Variants in GRM4 observed in about 807,000 individuals in gnomAD.
GRM4 encodes the protein metabotropic glutamate receptor 4.
In GRM4, 28 loss-of-function variants were observed where a neutral mutation model predicts 81.7. That is an observed-to-expected ratio of 0.34 (90% confidence interval 0.25 to 0.47). The LOEUF (loss-of-function observed/expected upper bound fraction) is 0.47. GRM4 is among the 20% of genes least tolerant of loss of function. The pLI is 1.00. For synonymous variants in GRM4, 488 were observed against 528.8 expected, an observed-to-expected ratio of 0.92 and a Z score of 1.06; for missense variants, 948 against 1,290.0, an observed-to-expected ratio of 0.73 and a Z score of 4.06.
At position 34,070,197 on chromosome 6, in the gene GRM4, C is replaced by G. The variant is rs1346028213; in HGVS notation, c.737-8169G>C. ...TGCCACCTCCTTACATGCACAGCCA[C>G]TGGACACCCCATTTGAGCCTGGCAT... On this transcript the variant is annotated intron_variant, in intron 3 of 10. Coordinates refer to ENST00000538487, the MANE Select transcript of GRM4 (RefSeq NM_000841.4). The surrounding 1 kb of genome is among the most constrained non-coding windows in gnomAD (Gnocchi z 4.6). Among the ~76,000 whole-genome samples the G allele has an allele frequency of 6.6e-6, 1 of 152,164 alleles. No homozygotes were observed. Among genetic ancestry groups the G allele is most frequent in the African/African-American group, 2.4e-5 (1 of 41,438 alleles).
exon 1 of GRM4, chr6:34,155,203 G>C (rs1379685272): frequency 6.5e-7 from 1 of 1,535,530 alleles, no homozygotes; most frequent in African/African-American, 1.4e-5. Flanking sequence ...TGGCAGGGAG[G>C]GGCCTCTTGT....
At chr6:34,103,927 C>A in intron 2 of GRM4, 3 of 1,171,108 alleles carry the variant, frequency 2.6e-6, no homozygotes, top group Non-Finnish European at 3.3e-6. Context: ...TGTTCAGAGC[C>A]AGCCATGCAC....
At chr6:34,108,886 G>A (rs943528575) in intron 2 of GRM4, among the ~76,000 whole-genome samples, 3 of 151,972 alleles carry the variant, frequency 2.0e-5, no homozygotes, top group Admixed American at 1.3e-4. Context: ...GGTGCACCTC[G>A]AGGTCCCCTC....
chr6:34,150,601 T>C (rs912691072), upstream of GRM4, among the ~76,000 whole-genome samples: 2 of 152,086 alleles, frequency 1.3e-5, no homozygotes, highest in African/African-American at 4.8e-5. Flanking sequence ...TGAGAGATGA[T>C]GCTTCCTCTT....
In GRM4 at chr6:34,068,252, T is replaced by C. The variant is rs185626207; in HGVS notation, c.737-6224A>G. Among the ~76,000 whole-genome samples, 12 of 152,258 alleles carry C rather than the reference T, an allele frequency of 7.9e-5. No homozygotes were observed. The highest frequency in any genetic ancestry group is 3.9e-4 in the East Asian group (2 of 5,172). On this transcript the variant is annotated intron_variant, in intron 3 of 10. Transcript: ENST00000538487. This position sits in a 1 kb window ranked among gnomAD's most constrained non-coding sequence, Gnocchi z 4.2. ...CAGCTGGAGAGGCAGAGGCTGGATC[T>C]GAACTCGGGTCTGACTATTCTCTAG... is the stretch of plus-strand genomic sequence containing the variant.
intron 2 of GRM4, among the ~76,000 whole-genome samples, chr6:34,104,445 C>T (rs1769016561): frequency 6.6e-6 from 1 of 152,224 alleles, no homozygotes; most frequent in South Asian, 2.1e-4. Flanking sequence ...TCACTTCTCC[C>T]TCACACAATA....
intron 1 of GRM4, 85 bp downstream of exon 1, chr6:34,145,915 G>T: frequency 2.4e-6 from 2 of 820,438 alleles, no homozygotes; most frequent in Non-Finnish European, 2.9e-6. Context: ...CCTGCTGGCA[G>T]CTCCCCCTTC....
rs1768077247 is a variant in GRM4 at position 34,089,370 on chromosome 6, A to ACC, written c.736+2512_736+2513insGG. Among the ~76,000 whole-genome samples the ACC allele has an allele frequency of 2.0e-5, 1 of 51,172 alleles. No homozygotes were observed. Among genetic ancestry groups the ACC allele is most frequent in the Non-Finnish European group, 4.6e-5 (1 of 21,926 alleles). 33.6% of individuals were successfully genotyped at this position (51,172 alleles called of 152,430 possible). A position where few individuals can be genotyped will look rare whatever the true frequency, so the allele number is the denominator to read the frequency against. ...ATTTCAATTTGGCCAGCTGAAGTGC[A>ACC]GCTCTCTCTCTCTCTCTTCCTTTCT... On this transcript the variant is annotated intron_variant, in intron 3 of 10. Coordinates refer to ENST00000538487, the MANE Select transcript of GRM4 (RefSeq NM_000841.4). The surrounding 1 kb of genome is among the most constrained non-coding windows in gnomAD (Gnocchi z 4.3).
chr6:34,142,954 C>A (rs1448161254), intron 1 of GRM4, among the ~76,000 whole-genome samples: 1 of 152,192 alleles, frequency 6.6e-6, no homozygotes, highest in Admixed American at 6.5e-5. Context: ...CTGCCACCCC[C>A]CCACCAATAT....
At chr6:34,105,670 G>A (rs922549426) in intron 2 of GRM4, among the ~76,000 whole-genome samples, 2 of 152,094 alleles carry the variant, frequency 1.3e-5, no homozygotes, top group South Asian at 2.1e-4. Context: ...CATGGCAGGC[G>A]AGGAGACACA....
At chr6:34,065,415 G>T (rs959590828) in intron 3 of GRM4, among the ~76,000 whole-genome samples, 1 of 152,092 alleles carries the variant, frequency 6.6e-6, no homozygotes, top group Admixed American at 6.5e-5. Context: ...AGAGTAGATA[G>T]AATCAAATGA....
chr6:34,069,202 A>ACACACACG lies in GRM4; in HGVS notation c.737-7175_737-7174insCGTGTGTG, dbSNP rs1316022947. On this transcript the variant is annotated intron_variant, in intron 3 of 10. Coordinates refer to ENST00000538487, the MANE Select transcript of GRM4 (RefSeq NM_000841.4). This position sits in a 1 kb window ranked among gnomAD's most constrained non-coding sequence, Gnocchi z 6.4. ...CACACACACACACACACACACACAC[A>ACACACACG]CACGCACGCACACACGGCTCCTTCC... 3.3e-3 allele frequency among the ~76,000 whole-genome samples: 463 copies of ACACACACG among 142,230 alleles called. 4 individuals are homozygous for ACACACACG. The highest frequency in any genetic ancestry group is 0.012 in the African/African-American group (430 of 35,024). 93.3% of individuals were successfully genotyped at this position (142,230 alleles called of 152,430 possible).
chr6:34,027,666 G>A (rs1391887726), intron 10 of GRM4, among the ~76,000 whole-genome samples: 1 of 152,190 alleles, frequency 6.6e-6, no homozygotes, highest in East Asian at 1.9e-4. Context: ...GGTTACCAAA[G>A]GGCCAGTGTG....
At chr6:34,044,759 C>A (rs534426759) in intron 6 of GRM4, among the ~76,000 whole-genome samples, 27 of 132,798 alleles carry the variant, frequency 2.0e-4, no homozygotes, top group African/African-American at 8.7e-4. Flanking sequence ...TATACACATA[C>A]ACACACATAG....
At position 34,059,003 on chromosome 6, in the gene GRM4, G is replaced by A. The variant is rs768476607; in HGVS notation, c.998C>T (p.Thr333Met). The A allele has an allele frequency of 6.2e-7, 1 of 1,613,404 alleles. No homozygotes were observed. Among genetic ancestry groups the A allele is most frequent in the Non-Finnish European group, 8.5e-7 (1 of 1,179,864 alleles). Residue 333 changes from threonine (T) to methionine (M), a missense_variant, in exon 5 of 11, where the codon ACG becomes ATG. Coordinates refer to ENST00000538487, the MANE Select transcript of GRM4 (RefSeq NM_000841.4). The surrounding 1 kb of genome is among the most constrained non-coding windows in gnomAD (Gnocchi z 5.7). ...TACGGACATCCTCTTGGGGAGGATC[G>A]TGACAGCACCCTCAGCCACCTCCTC... is the stretch of plus-strand genomic sequence containing the variant. Reference protein sequence around the residue: ...HLEEVAEGAVTILPKRMSVRG... With the variant: ...HLEEVAEGAVMILPKRMSVRG...
chr6:34,091,207 G>A (rs757730139), intron 3 of GRM4, among the ~76,000 whole-genome samples: 1 of 152,222 alleles, frequency 6.6e-6, no homozygotes, highest in African/African-American at 2.4e-5. Flanking sequence ...CTGCCAAGGG[G>A]ATAACCCTTG....
chr6:34,083,769 A>T (rs1475387421), intron 3 of GRM4, among the ~76,000 whole-genome samples: 1 of 152,090 alleles, frequency 6.6e-6, no homozygotes, highest in African/African-American at 2.4e-5. Flanking sequence ...GCTAAAAGTC[A>T]CCTGATACTT....
At chr6:34,071,673 CCACA>C (rs1451849670) in intron 3 of GRM4, among the ~76,000 whole-genome samples, 1,188 of 92,040 alleles carry the variant, frequency 0.013, 7 homozygotes, top group Middle Eastern at 0.025. Context: ...CAGACGCACA[CCACA>C]CACAATCACC....
chr6:34,064,043 A>G lies in GRM4; in HGVS notation c.737-2015T>C, dbSNP rs1335808465. Among the ~76,000 whole-genome samples, 6 of 152,186 alleles carry G rather than the reference A, an allele frequency of 3.9e-5. No homozygotes were observed. The highest frequency in any genetic ancestry group is 7.3e-5 in the Non-Finnish European group (5 of 68,036). On this transcript the variant is annotated intron_variant, in intron 3 of 10. Transcript: ENST00000538487. The surrounding 1 kb of genome is among the most constrained non-coding windows in gnomAD (Gnocchi z 4.4). ...ATGGTCTTGCCTGGCACCTCAGGGC[A>G]TATCTTGCAAGCTTCGTTTTGCTGG...
Sources: allele counts gnomAD v4.1 joint callset (sites outside exome capture counted in the v4.1 genomes callset), GRCh38; gene constraint gnomAD v4.1.1; non-coding constraint Gnocchi (gnomAD v3.1); transcripts MANE v1.5; gene names NCBI Gene and HGNC (gene_info 2026-07-23, HGNC 2026-07-21).